KCNG3: variants seen among roughly 807,000 people sequenced by gnomAD.
KCNG3 encodes the protein voltage-gated potassium channel regulatory subunit KCNG3.
A neutral mutation model predicts 29.0 loss-of-function variants in KCNG3; 15 were observed. That is an observed-to-expected ratio of 0.52 (90% CI 0.35 to 0.80). KCNG3 has a LOEUF of 0.80. Ranked by LOEUF, KCNG3 falls within the 30% of genes least tolerant of loss-of-function variation. The pLI is 0.01. For missense variants in KCNG3, 512 were observed against 605.7 expected, an observed-to-expected ratio of 0.85 and a Z score of 1.62; for synonymous variants, 322 against 248.9, an observed-to-expected ratio of 1.29 and a Z score of -2.76.
chr2:42,402,236 C>T, the KCNG3 span, among the ~76,000 whole-genome samples: 2 of 152,256 alleles, frequency 1.3e-5, no homozygotes, highest in Admixed American at 1.3e-4. Flanking sequence ...CTGAATTACA[C>T]CACTGGGTTT....
At chr2:42,430,400 A>G in the KCNG3 span, among the ~76,000 whole-genome samples, 1 of 150,054 alleles carries the variant, frequency 6.7e-6, no homozygotes, top group African/African-American at 2.5e-5. Flanking sequence ...ATAAATAAAT[A>G]AATAAATAAA....
chr2:42,437,769 C>A (rs1672399598), downstream of KCNG3, among the ~76,000 whole-genome samples: 1 of 151,878 alleles, frequency 6.6e-6, no homozygotes, highest in African/African-American at 2.4e-5. Context: ...AAAACCCCAT[C>A]TCTACTAAAA....
the KCNG3 span, among the ~76,000 whole-genome samples, chr2:42,433,093 G>A: frequency 5.3e-5 from 8 of 152,102 alleles, no homozygotes; most frequent in African/African-American, 9.7e-5. Context: ...TCAGGAATAA[G>A]GCCAGGATGT....
intron 1 of KCNG3, among the ~76,000 whole-genome samples, chr2:42,492,303 G>C (rs1378996202): frequency 6.6e-6 from 1 of 152,174 alleles, no homozygotes; most frequent in Non-Finnish European, 1.5e-5. Flanking sequence ...ATTATTTAGA[G>C]TCTATCGATA....
the KCNG3 span, among the ~76,000 whole-genome samples, chr2:42,392,630 T>C: frequency 2.0e-5 from 3 of 152,038 alleles, no homozygotes; most frequent in Non-Finnish European, 4.4e-5. Context: ...CGGTCTCAAA[T>C]CCATCTCCCT....
the KCNG3 span, among the ~76,000 whole-genome samples, chr2:42,417,567 C>T: frequency 3.3e-5 from 5 of 152,108 alleles, no homozygotes; most frequent in South Asian, 2.1e-4. Context: ...AGTGATCTGC[C>T]GATCTCAGCC....
At chr2:42,477,357 G>T (rs1234545739) in intron 1 of KCNG3, among the ~76,000 whole-genome samples, 1 of 143,066 alleles carries the variant, frequency 7.0e-6, no homozygotes, top group Non-Finnish European at 1.5e-5. Context: ...ATATGTGTGT[G>T]TATATACATA....
At chr2:42,445,900 T>C (rs938047600) in intron 1 of KCNG3, among the ~76,000 whole-genome samples, 2 of 151,930 alleles carry the variant, frequency 1.3e-5, no homozygotes, top group African/African-American at 4.8e-5. Flanking sequence ...CTAATTTTTG[T>C]ATTTTTAGTA....
intron 1 of KCNG3, among the ~76,000 whole-genome samples, chr2:42,469,471 C>T (rs1330624919): frequency 6.7e-6 from 1 of 150,088 alleles, no homozygotes; most frequent in Non-Finnish European, 1.5e-5. Flanking sequence ...CACATACCCA[C>T]AGAAACAAGA....
In KCNG3 at chr2:42,443,979, T is replaced by C; in HGVS notation, c.1266A>G (p.Arg422=). 3 of 1,614,102 alleles carry C rather than the reference T, an allele frequency of 1.9e-6. No homozygotes were observed. ...FVQCYHELKF[R]SARYSRSLST... ...AGAGGCTCCTACTATACCTAGCAGATCTAAACTTGAGCTCATGATAACACT... is the reference window on the plus strand; with the variant it reads ...AGAGGCTCCTACTATACCTAGCAGACCTAAACTTGAGCTCATGATAACACT... The change falls in exon 2 of 2, where the codon AGA becomes AGG. Residue 422 remains arginine, a synonymous_variant. Coordinates refer to ENST00000306078, the MANE Select transcript of KCNG3 (RefSeq NM_133329.6).
chr2:42,393,449 T>C, the KCNG3 span, among the ~76,000 whole-genome samples: 1 of 151,950 alleles, frequency 6.6e-6, no homozygotes, highest in Admixed American at 6.6e-5. Flanking sequence ...TAATCCCAGC[T>C]ATTCTGGAGG....
chr2:42,456,170 A>T (rs1672869859), intron 1 of KCNG3, among the ~76,000 whole-genome samples: 1 of 152,182 alleles, frequency 6.6e-6, no homozygotes, highest in Non-Finnish European at 1.5e-5. Flanking sequence ...GAAGCCATAA[A>T]TATTGAATCA....
chr2:42,419,037 C>A, the KCNG3 span, among the ~76,000 whole-genome samples: 2 of 151,864 alleles, frequency 1.3e-5, no homozygotes, highest in South Asian at 2.1e-4. Context: ...TAAGAATGTA[C>A]TCAAATTCAG....
chr2:42,466,865 G>A (rs1673155472), intron 1 of KCNG3, among the ~76,000 whole-genome samples: 1 of 149,950 alleles, frequency 6.7e-6, no homozygotes, highest in Non-Finnish European at 1.5e-5. Context: ...CGATTCTCCT[G>A]CCTCAGCCTC....
chr2:42,455,029 GA>G, intron 1 of KCNG3, among the ~76,000 whole-genome samples: 1 of 152,318 alleles, frequency 6.6e-6, no homozygotes, highest in South Asian at 2.1e-4. Context: ...AAATTGTTAA[GA>G]TGGTAAATTT....
chr2:42,434,331 T>C, the KCNG3 span, among the ~76,000 whole-genome samples: 43 of 151,336 alleles, frequency 2.8e-4, no homozygotes, highest in Admixed American at 2.1e-3. Context: ...TGGTACACAC[T>C]TGTGCTTCCA....
rs1343017427 is a variant in KCNG3, at chr2:42,443,663, T to C, written c.*271A>G. On this transcript the variant is annotated 3_prime_UTR_variant, in exon 2 of 2. Transcript: ENST00000306078. ...GTTCAAATAATGTATTTTTTAAAAA[T>C]GTGTAATCATTCAAGGAAACGGGAA... 1.2e-5 allele frequency: 4 copies of C among 323,670 alleles called. No homozygotes were observed. The highest frequency in any genetic ancestry group is 9.1e-5 in the Admixed American group (2 of 22,066). 20.0% of individuals were successfully genotyped at this position (323,670 alleles called of 1,614,324 possible).
chr2:42,465,714 T>A (rs1474114782), intron 1 of KCNG3, among the ~76,000 whole-genome samples: 2 of 151,918 alleles, frequency 1.3e-5, no homozygotes, highest in African/African-American at 2.4e-5. Flanking sequence ...TAGAGGAAAA[T>A]ATTCACAACA....
At chr2:42,420,325 T>G in the KCNG3 span, among the ~76,000 whole-genome samples, 1 of 152,220 alleles carries the variant, frequency 6.6e-6, no homozygotes. Flanking sequence ...TAGTGTGCTT[T>G]TGGACAAGTT....
Sources: allele counts gnomAD v4.1 joint callset (sites outside exome capture counted in the v4.1 genomes callset), GRCh38; gene constraint gnomAD v4.1.1; transcripts MANE v1.5; gene names NCBI Gene and HGNC (gene_info 2026-07-23, HGNC 2026-07-21).